Variants in RAB38 observed in about 807,000 individuals in gnomAD.
RAB38 encodes the protein ras-related protein Rab-38.
Under a neutral mutation model 18.4 loss-of-function variants are expected in RAB38, and 15 were observed. The observed-to-expected ratio is 0.82, with a 90% CI of 0.55 to 1.26. RAB38 has a LOEUF of 1.26. Among genes scored for constraint, RAB38 ranks in the 50% most tolerant of loss-of-function variants. The pLI is 0.00. For missense variants in RAB38, 294 were observed against 267.4 expected, an observed-to-expected ratio of 1.10 and a Z score of -0.69; for synonymous variants, 101 against 104.4, an observed-to-expected ratio of 0.97 and a Z score of 0.20.
chr11:87,926,675 G>A, the RAB38 span, among the ~76,000 whole-genome samples: 1 of 152,174 alleles, frequency 6.6e-6, no homozygotes, highest in African/African-American at 2.4e-5. Context: ...GCAGGTGACA[G>A]TCTGGGGCTG....
chr11:88,132,921 T>C (rs1486835210), intron 2 of RAB38, among the ~76,000 whole-genome samples: 9 of 152,228 alleles, frequency 5.9e-5, no homozygotes, highest in African/African-American at 1.9e-4. Context: ...TGATAGCATA[T>C]TATTTAGAAA....
intron 2 of RAB38, among the ~76,000 whole-genome samples, chr11:88,127,194 T>G (rs953755462): frequency 6.6e-6 from 1 of 152,226 alleles, no homozygotes; most frequent in Non-Finnish European, 1.5e-5. Flanking sequence ...TTCTTTACAT[T>G]AAACAGAAAA....
the RAB38 span, among the ~76,000 whole-genome samples, chr11:87,853,130 G>A: frequency 6.6e-6 from 1 of 152,184 alleles, no homozygotes; most frequent in East Asian, 1.9e-4. Flanking sequence ...GATATGGTCA[G>A]CGACGTCTGG....
chr11:88,140,259 G>C (rs950839036), intron 2 of RAB38, among the ~76,000 whole-genome samples: 2 of 152,198 alleles, frequency 1.3e-5, no homozygotes, highest in African/African-American at 4.8e-5. Flanking sequence ...AGTTTCTAAA[G>C]AGCTTTCTGG....
chr11:88,130,194 T>G (rs1408982513), intron 2 of RAB38, among the ~76,000 whole-genome samples: 1 of 152,028 alleles, frequency 6.6e-6, no homozygotes, highest in Non-Finnish European at 1.5e-5. Flanking sequence ...TATACAATCA[T>G]GAGTAATCCA....
the RAB38 span, among the ~76,000 whole-genome samples, chr11:87,974,507 A>G: frequency 6.6e-6 from 1 of 151,996 alleles, no homozygotes; most frequent in East Asian, 1.9e-4. Context: ...AAATAGTGTA[A>G]TATATTACAA....
the RAB38 span, among the ~76,000 whole-genome samples, chr11:87,873,914 G>A: frequency 1.8e-5 from 1 of 56,170 alleles, no homozygotes; most frequent in Non-Finnish European, 3.4e-5. Flanking sequence ...ATATATGTGT[G>A]TGTGTGTGTA....
In RAB38 at chr11:88,153,361, A is replaced by G. The variant is rs544058201; in HGVS notation, c.203-3406T>C. Among the ~76,000 whole-genome samples, 17 of 152,346 alleles carry G rather than the reference A, an allele frequency of 1.1e-4. No individual in the cohort carries two copies. The South Asian group carries it at 3.1e-3, about 28-fold the overall frequency. On this transcript the variant is annotated intron_variant, in intron 1 of 2. Coordinates refer to ENST00000243662, the MANE Select transcript of RAB38 (RefSeq NM_022337.3). ...CACACAAACATCACAGCTAAAATGTATATCTAGCAGTATTTTTACTTCCAG... is the reference window on the plus strand; with the variant it reads ...CACACAAACATCACAGCTAAAATGTGTATCTAGCAGTATTTTTACTTCCAG...
chr11:87,912,327 A>T, the RAB38 span, among the ~76,000 whole-genome samples: 2 of 151,962 alleles, frequency 1.3e-5, no homozygotes, highest in Non-Finnish European at 2.9e-5. Flanking sequence ...GACATTTCAG[A>T]CTGGAGTTTT....
chr11:87,954,617 G>A, the RAB38 span, among the ~76,000 whole-genome samples: 1 of 151,868 alleles, frequency 6.6e-6, no homozygotes, highest in Non-Finnish European at 1.5e-5. Context: ...CACTCACAAA[G>A]CCACCACTAG....
chr11:87,958,949 A>G, the RAB38 span, among the ~76,000 whole-genome samples: 1 of 152,290 alleles, frequency 6.6e-6, no homozygotes, highest in African/African-American at 2.4e-5. Context: ...AATTGTAATC[A>G]TATTTCACCA....
At chr11:87,830,156 T>C in the RAB38 span, among the ~76,000 whole-genome samples, 1 of 152,110 alleles carries the variant, frequency 6.6e-6, no homozygotes, top group Non-Finnish European at 1.5e-5. Flanking sequence ...TATTAGACAT[T>C]GTGGAAGGTG....
the RAB38 span, among the ~76,000 whole-genome samples, chr11:88,033,826 C>T: frequency 6.9e-6 from 1 of 145,014 alleles, no homozygotes; most frequent in Non-Finnish European, 1.5e-5. Flanking sequence ...CTCCCGGGTT[C>T]ATGCCATTCT....
chr11:88,143,476 C>G (rs1333174724), intron 2 of RAB38, among the ~76,000 whole-genome samples: 2 of 152,134 alleles, frequency 1.3e-5, no homozygotes, highest in African/African-American at 4.8e-5. Context: ...TCCAACAAAA[C>G]TTTATTTACA....
the RAB38 span, among the ~76,000 whole-genome samples, chr11:88,067,469 T>C: frequency 3.3e-5 from 5 of 152,080 alleles, no homozygotes; most frequent in South Asian, 2.1e-4. Context: ...TCCATTCTAA[T>C]AGACCATCAT....
At chr11:87,961,591 T>A in the RAB38 span, among the ~76,000 whole-genome samples, 3 of 152,074 alleles carry the variant, frequency 2.0e-5, no homozygotes, top group African/African-American at 7.2e-5. Context: ...TTTGATTTTC[T>A]CCCCAAAAGT....
chr11:88,032,506 T>G, the RAB38 span, among the ~76,000 whole-genome samples: 1 of 151,984 alleles, frequency 6.6e-6, no homozygotes, highest in Non-Finnish European at 1.5e-5. Flanking sequence ...CTATCCAGAA[T>G]CTACAATGAA....
the RAB38 span, among the ~76,000 whole-genome samples, chr11:88,012,698 G>C: frequency 6.6e-6 from 1 of 152,014 alleles, no homozygotes; most frequent in African/African-American, 2.4e-5. Flanking sequence ...CCTCTGAAAA[G>C]CTCCTTTGTA....
chr11:88,149,267 G>A (rs1943032710), intron 2 of RAB38, among the ~76,000 whole-genome samples: 1 of 152,160 alleles, frequency 6.6e-6, no homozygotes. Flanking sequence ...TGATGTACAG[G>A]TGAACATATT....
Sources: allele counts gnomAD v4.1 joint callset (sites outside exome capture counted in the v4.1 genomes callset), GRCh38; gene constraint gnomAD v4.1.1; transcripts MANE v1.5; gene names NCBI Gene and HGNC (gene_info 2026-07-23, HGNC 2026-07-21).